Variants in MAMDC2 observed in about 807,000 individuals in gnomAD.
The protein encoded by MAMDC2 is MAM domain containing 2, also known as MAM domain-containing protein 2.
MAMDC2 carries 57 observed loss-of-function variants against 89.8 expected under a neutral mutation model. The observed-to-expected ratio is 0.63, with a 90% CI of 0.51 to 0.79. MAMDC2 has a LOEUF of 0.79. Ranked by LOEUF, MAMDC2 falls within the 30% of genes least tolerant of loss-of-function variation. The pLI is 0.00. For synonymous variants in MAMDC2, 313 were observed against 293.4 expected (o/e 1.07, Z -0.68); for missense variants, 800 against 820.6 (o/e 0.97, Z 0.31).
At chr9:70,207,090 A>G (rs1231053138) in intron 11 of MAMDC2, among the ~76,000 whole-genome samples, 1 of 152,240 alleles carries the variant, frequency 6.6e-6, no homozygotes. Context: ...AAATAAACAT[A>G]CATATGCAGG....
At position 70,049,624 on chromosome 9, in the gene MAMDC2, C is replaced by T. The variant is rs114615880; in HGVS notation, c.148+4927C>T. ...TCCTGCATTATGTCTGCAGGTTGTT[C>T]TTAGAGCTCTCTAAGCAGAAGTACA... On this transcript the variant is annotated intron_variant, in intron 2 of 13. Transcript: ENST00000377182. Among the ~76,000 whole-genome samples, 897 of 152,300 alleles carry T rather than the reference C, an allele frequency of 5.9e-3. 13 individuals carry two copies. Among genetic ancestry groups the T allele is most frequent in the African/African-American group, 0.021 (867 of 41,566 alleles).
intron 5 of MAMDC2, among the ~76,000 whole-genome samples, chr9:70,121,866 T>C (rs1015137362): frequency 6.6e-6 from 1 of 152,142 alleles, no homozygotes; most frequent in African/African-American, 2.4e-5. Context: ...CTACCATCAT[T>C]GTTTTTAGAA....
At chr9:70,153,159 T>A (rs908199742) in intron 9 of MAMDC2, 9 of 152,234 alleles carry the variant, frequency 5.9e-5, no homozygotes. Flanking sequence ...TAAAACTTTA[T>A]TTAATGTTTT....
intron 5 of MAMDC2, among the ~76,000 whole-genome samples, chr9:70,122,649 A>G (rs532699373): frequency 1.3e-5 from 2 of 152,312 alleles, no homozygotes; most frequent in South Asian, 4.1e-4. Flanking sequence ...CAATATTTTA[A>G]TTTTATTTAT....
In MAMDC2 at chr9:70,131,538, T is replaced by A; in HGVS notation, c.920T>A (p.Phe307Tyr). ...CTGCAGGTTATTTTTGAAGTTGCTT[T>A]CAATGGTCCCAAGGGAGGTTATGTT... ...YPMEVIFEVA[F>Y]NGPKGGYVAL... Residue 307 changes from phenylalanine to tyrosine, a missense_variant, in exon 7 of 14, where the codon TTC (phenylalanine) becomes TAC (tyrosine). Phe to Tyr is a conservative substitution (Grantham distance 22). Transcript: ENST00000377182. 6.2e-7 allele frequency: 1 copy of A among 1,601,126 alleles called. No individual in the cohort carries two copies. The highest frequency in any genetic ancestry group is 8.5e-7 in the Non-Finnish European group (1 of 1,177,110).
chr9:70,071,741 G>T (rs1024305924), intron 2 of MAMDC2: 2 of 152,174 alleles, frequency 1.3e-5, no homozygotes, highest in African/African-American at 4.8e-5. Context: ...AGCAATTCTG[G>T]AGAGAATGCA....
At chr9:70,077,732 T>C (rs1827564466) in intron 2 of MAMDC2, among the ~76,000 whole-genome samples, 1 of 152,202 alleles carries the variant, frequency 6.6e-6, no homozygotes, top group Non-Finnish European at 1.5e-5. Flanking sequence ...GCTTCCTCTT[T>C]GGATGTTCTG....
intron 11 of MAMDC2, among the ~76,000 whole-genome samples, chr9:70,174,172 A>G (rs919428044): frequency 1.3e-5 from 2 of 152,164 alleles, no homozygotes; most frequent in Admixed American, 6.5e-5. Flanking sequence ...ACAATTAATT[A>G]TTGCTCTATT....
At position 70,047,069 on chromosome 9, in the gene MAMDC2, T is replaced by C. The variant is rs368214168; in HGVS notation, c.148+2372T>C. On this transcript the variant is annotated intron_variant, in intron 2 of 13. Transcript: ENST00000377182. ...ATTTGGCAAGCTGTTCACAAGCTTC[T>C]CTGCAAATGCACTTCTTCCTGCAGA... is the stretch of plus-strand genomic sequence containing the variant. Among the ~76,000 whole-genome samples the C allele has an allele frequency of 1.5e-4, 23 of 152,354 alleles. No individual in the cohort carries two copies. The South Asian group carries it at 4.6e-3, about 30-fold the overall frequency.
intron 12 of MAMDC2, among the ~76,000 whole-genome samples, chr9:70,224,801 A>T (rs1466001943): frequency 6.6e-6 from 1 of 152,184 alleles, no homozygotes; most frequent in Non-Finnish European, 1.5e-5. Flanking sequence ...ATCCACCATC[A>T]CGAGTTGGAT....
chr9:70,189,373 C>T (rs1246770016), intron 11 of MAMDC2, among the ~76,000 whole-genome samples: 1 of 151,964 alleles, frequency 6.6e-6, no homozygotes, highest in East Asian at 1.9e-4. Flanking sequence ...CTGGCCTTTA[C>T]AGTTTCTGAT....
chr9:70,162,588 C>T (rs1025040688), intron 9 of MAMDC2, among the ~76,000 whole-genome samples: 6 of 151,042 alleles, frequency 4.0e-5, no homozygotes, highest in Admixed American at 1.3e-4. Flanking sequence ...CCTCCCGGGC[C>T]GAGGTGATCC....
At chr9:70,142,443 A>G (rs1330497625) in intron 8 of MAMDC2, among the ~76,000 whole-genome samples, 1 of 152,220 alleles carries the variant, frequency 6.6e-6, no homozygotes, top group Non-Finnish European at 1.5e-5. Context: ...AGAGGTTTTA[A>G]GCAGAAAAAA....
intron 11 of MAMDC2, among the ~76,000 whole-genome samples, chr9:70,215,413 T>C (rs1383070472): frequency 5.3e-5 from 8 of 152,232 alleles, no homozygotes; most frequent in Non-Finnish European, 1.2e-4. Flanking sequence ...CCCTTAAGCA[T>C]GCATCTGGAT....
rs1587557207 is a variant in MAMDC2 at position 70,191,912 on chromosome 9, C to T, written c.1651+21281C>T. On this transcript the variant is annotated intron_variant, in intron 11 of 13. Transcript: ENST00000377182. The stretch of plus-strand genomic sequence containing the variant: ...TTTCACAAATGCCTTAGAAGATTGC[C>T]AAGTGATGGGATCACTTTTTCATAC... Among the ~76,000 whole-genome samples, 3 of 152,190 alleles carry T rather than the reference C, an allele frequency of 2.0e-5. No homozygotes were observed. The South Asian group carries it at 6.2e-4, about 32-fold the overall frequency.
intron 9 of MAMDC2, among the ~76,000 whole-genome samples, chr9:70,152,859 TCATATAAAGTTCTTAG>T (rs567225428): frequency 2.0e-4 from 30 of 152,312 alleles, no homozygotes; most frequent in South Asian, 1.2e-3. Context: ...AGGCAATGCA[TCATATAAAGTTCTTAG>T]CATATAAAGT....
chr9:70,175,888 T>C (rs2032483987), intron 11 of MAMDC2: 1 of 152,242 alleles, frequency 6.6e-6, no homozygotes, highest in African/African-American at 2.4e-5. Context: ...ACCCCCGATA[T>C]GTATCTTCTT....
chr9:70,157,691 C>T (rs989596595), intron 9 of MAMDC2: 2 of 152,484 alleles, frequency 1.3e-5, no homozygotes, highest in African/African-American at 4.8e-5. Flanking sequence ...AATCTTCAAA[C>T]CAAGACATTT....
chr9:70,137,143 C>T (rs1007611135), intron 7 of MAMDC2, among the ~76,000 whole-genome samples: 4 of 151,906 alleles, frequency 2.6e-5, no homozygotes, highest in Non-Finnish European at 5.9e-5. Context: ...TGTTGTTAAT[C>T]AGTTACTTTT....
Sources: allele counts gnomAD v4.1 joint callset (sites outside exome capture counted in the v4.1 genomes callset), GRCh38; gene constraint gnomAD v4.1.1; transcripts MANE v1.5; gene names NCBI Gene and HGNC (gene_info 2026-07-23, HGNC 2026-07-21).